Variants in MND1 observed in about 807,000 individuals in gnomAD.
MND1 encodes the protein meiotic nuclear divisions 1.
A neutral mutation model predicts 35.1 loss-of-function variants in MND1; 28 were observed. The observed-to-expected ratio is 0.80, with a 90% CI of 0.59 to 1.09. The LOEUF is 1.09. Ranked by LOEUF, MND1 falls within the 50% of genes least tolerant of loss-of-function variation. MND1 has a pLI of 0.00. For synonymous variants in MND1, 69 were observed against 70.5 expected (o/e 0.98, Z 0.11); for missense variants, 213 against 239.6 (o/e 0.89, Z 0.73).
intron 4 of MND1, among the ~76,000 whole-genome samples, chr4:153,373,205 AT>A (rs1013765846): frequency 5.3e-5 from 8 of 152,214 alleles, no homozygotes; most frequent in African/African-American, 1.9e-4. Context: ...CTATGTAGTT[AT>A]GTTAAATCTG....
intron 2 of MND1, among the ~76,000 whole-genome samples, chr4:153,354,566 A>G (rs936800937): frequency 6.6e-6 from 1 of 152,132 alleles, no homozygotes; most frequent in African/African-American, 2.4e-5. Flanking sequence ...ATAGTGGCAC[A>G]GTCATAGCTT....
At chr4:153,355,513 T>C in intron 2 of MND1, 141 bp from the exon 3 acceptor site, 1 of 601,440 alleles carries the variant, frequency 1.7e-6, no homozygotes, top group Middle Eastern at 4.6e-4. Context: ...TAACACATTG[T>C]ATACCTATAT....
chr4:153,412,613 G>T (rs995426875), intron 7 of MND1, among the ~76,000 whole-genome samples: 9 of 151,304 alleles, frequency 5.9e-5, no homozygotes, highest in Middle Eastern at 3.4e-3. Context: ...CTTCCGAGTA[G>T]CTGGGATTAT....
intron 2 of MND1, among the ~76,000 whole-genome samples, chr4:153,350,502 C>T (rs1312563282): frequency 6.6e-6 from 1 of 152,180 alleles, no homozygotes; most frequent in East Asian, 1.9e-4. Context: ...AGGATTCAAA[C>T]CAGGGAGGAT....
intron 4 of MND1, among the ~76,000 whole-genome samples, chr4:153,386,319 C>T (rs1294765436): frequency 6.8e-6 from 1 of 146,320 alleles, no homozygotes; most frequent in African/African-American, 2.5e-5. Context: ...AGTGAGAACT[C>T]GTCTCTACAA....
At chr4:153,410,087 C>T (rs1159957980) in intron 7 of MND1, among the ~76,000 whole-genome samples, 1 of 152,140 alleles carries the variant, frequency 6.6e-6, no homozygotes, top group Non-Finnish European at 1.5e-5. Flanking sequence ...AGCCTACTTC[C>T]TCATCTGTTC....
chr4:153,388,911 G>A (rs139262773), intron 4 of MND1, among the ~76,000 whole-genome samples: 184 of 152,258 alleles, frequency 1.2e-3, no homozygotes, highest in Middle Eastern at 6.8e-3. Context: ...AGTGGAGAGG[G>A]GACTCAGGGG....
rs34112305 is a variant in MND1, at chr4:153,359,779, C to CTTTTTTTTTTTTTTTTTTTTTTTTTTTTT, written c.276+1180_276+1181insTTTTTTTTTTTTTTTTTTTTTTTTTTTTT. Reference sequence around the variant, plus strand: ...TCTAATGACATATGATTTGGAAGATCTTTTTTTTTTTTTTTTTTTTTTTGT... The same window carrying CTTTTTTTTTTTTTTTTTTTTTTTTTTTTT: ...TCTAATGACATATGATTTGGAAGATCTTTTTTTTTTTTTTTTTTTTTTTTTTTTTTTTTTTTTTTTTTTTTTTTTTTTGT... On this transcript the variant is annotated intron_variant, in intron 4 of 7. Transcript: ENST00000240488. Among the ~76,000 whole-genome samples the CTTTTTTTTTTTTTTTTTTTTTTTTTTTTT allele has an allele frequency of 3.2e-5, 2 of 62,160 alleles. 1 individual carries two copies. The allele number at this position is 62,160 out of a possible 152,430, so 40.8% of individuals were successfully genotyped here.
intron 6 of MND1, among the ~76,000 whole-genome samples, 189 bp downstream of exon 6, chr4:153,397,522 A>C (rs1031991167): frequency 7.2e-5 from 11 of 152,298 alleles, no homozygotes; most frequent in Middle Eastern, 6.8e-3. Context: ...ATTGCCATTA[A>C]AAAGTCTTAA....
chr4:153,387,081 T>A (rs762948468), intron 4 of MND1, among the ~76,000 whole-genome samples: 11 of 152,360 alleles, frequency 7.2e-5, no homozygotes, highest in Non-Finnish European at 1.5e-4. Context: ...ATATGCTCAT[T>A]ATATAGAAAA....
intron 4 of MND1, among the ~76,000 whole-genome samples, chr4:153,376,436 C>T (rs1010741509): frequency 2.0e-5 from 3 of 152,114 alleles, no homozygotes; most frequent in African/African-American, 4.8e-5. Flanking sequence ...CTTTGCCCTT[C>T]CCAAATAACT....
At chr4:153,410,010 G>T (rs1207728425) in intron 7 of MND1, among the ~76,000 whole-genome samples, 2 of 152,172 alleles carry the variant, frequency 1.3e-5, no homozygotes, top group Non-Finnish European at 2.9e-5. Flanking sequence ...GTAGTGGGAG[G>T]AACGTGGCTT....
At chr4:153,402,329 A>C (rs923714397) in intron 6 of MND1, among the ~76,000 whole-genome samples, 1 of 152,236 alleles carries the variant, frequency 6.6e-6, no homozygotes. Flanking sequence ...AGAGGTACTT[A>C]AGTAATTTTC....
chr4:153,379,776 G>GGAGGCA (rs1388173304), intron 4 of MND1, among the ~76,000 whole-genome samples: 1 of 149,480 alleles, frequency 6.7e-6, no homozygotes, highest in African/African-American at 2.5e-5. Context: ...CTTGAACCCG[G>GGAGGCA]GAGGCAGAGG....
intron 4 of MND1, among the ~76,000 whole-genome samples, chr4:153,386,271 G>A (rs779348448): frequency 4.2e-4 from 63 of 150,084 alleles, no homozygotes; most frequent in Non-Finnish European, 8.3e-4. Flanking sequence ...CAGGAGGATC[G>A]CATGAGACCA....
At chr4:153,357,796 A>G (rs1044897426) in intron 3 of MND1, among the ~76,000 whole-genome samples, 3 of 152,234 alleles carry the variant, frequency 2.0e-5, no homozygotes, top group Admixed American at 1.3e-4. Context: ...TGTATTAACT[A>G]AATTCCTTTT....
chr4:153,393,945 T>TTTTTTG (rs1729125785), intron 4 of MND1, among the ~76,000 whole-genome samples: 1 of 145,048 alleles, frequency 6.9e-6, no homozygotes, highest in Admixed American at 6.8e-5. Flanking sequence ...TTTTTTTTTT[T>TTTTTTG]TTTGAGATGG....
At chr4:153,375,520 G>A (rs893069821) in intron 4 of MND1, among the ~76,000 whole-genome samples, 1 of 152,068 alleles carries the variant, frequency 6.6e-6, no homozygotes, top group African/African-American at 2.4e-5. Flanking sequence ...TGGATAGTTG[G>A]TGACCAGCTT....
intron 5 of MND1, among the ~76,000 whole-genome samples, chr4:153,396,720 A>G (rs1729206250): frequency 6.6e-6 from 1 of 152,142 alleles, no homozygotes; most frequent in East Asian, 1.9e-4. Context: ...GCCTCAAACT[A>G]CAATTGTATT....
Sources: gnomAD v4.1 joint callset for allele counts (sites outside exome capture counted in the v4.1 genomes callset) on GRCh38, gnomAD v4.1.1 for gene constraint, MANE v1.5 for transcripts, NCBI Gene and HGNC (gene_info 2026-07-23, HGNC 2026-07-21) for gene names.